LGI4: variants seen among roughly 807,000 people sequenced by gnomAD.
LGI4 encodes the protein leucine-rich repeat LGI family member 4.
In LGI4, 36 loss-of-function variants were observed where a neutral mutation model predicts 48.3. That is an observed-to-expected ratio of 0.75 (90% confidence interval 0.57 to 0.98). The LOEUF (loss-of-function observed/expected upper bound fraction) is 0.98. LGI4 is among the 50% of genes least tolerant of loss of function. The probability of loss-of-function intolerance (pLI) is 0.00; values close to 1 mark genes in which losing one functional copy is unlikely to be tolerated. For synonymous variants in LGI4, 355 were observed against 331.6 expected, an observed-to-expected ratio of 1.07 and a Z score of -0.77; for missense variants, 701 against 732.1, an observed-to-expected ratio of 0.96 and a Z score of 0.49.
At chr19:35,131,662 G>A (rs2065176050) in intron 5 of LGI4, 107 bp from the exon 6 acceptor site, 3 of 1,441,358 alleles carry the variant, frequency 2.1e-6, no homozygotes. Context: ...GCCCCATAGT[G>A]GTAAGAAAAA....
chr19:35,127,939 AC>A (rs1169524393), intron 6 of LGI4, among the ~76,000 whole-genome samples: 1 of 151,896 alleles, frequency 6.6e-6, no homozygotes, highest in Non-Finnish European at 1.5e-5. Flanking sequence ...TTATCCCGGG[AC>A]CCCCATTCAC....
rs915646474 is a variant in LGI4 at position 35,125,399 on chromosome 19, C to T, written c.1408G>A (p.Gly470Ser). ...ACCTGGCTGAAGGCGAAGTCGCTGC[C>T]TAGGATGGCCAGCTGGTCCCTGGCG... ...LIARDQLAIL[G>S]SDFAFSQVLR... Residue 470 changes from glycine to serine, a missense_variant, in exon 9 of 9, where the codon GGC (glycine) becomes AGC (serine). Physicochemically the swap from Gly to Ser is moderately conservative, Grantham distance 56. Around this residue, in one of 3 missense-constraint regions of LGI4, gnomAD observed 223 missense variants for 263.3 expected, o/e 0.85. Coordinates refer to ENST00000310123, the MANE Select transcript of LGI4 (RefSeq NM_139284.3). The T allele has an allele frequency of 6.2e-7, 1 of 1,611,970 alleles. No individual in the cohort carries two copies. The highest frequency in any genetic ancestry group is 8.5e-7 in the Non-Finnish European group (1 of 1,178,964).
At chr19:35,130,284 T>C (rs1361266202) in intron 6 of LGI4, among the ~76,000 whole-genome samples, 2 of 152,230 alleles carry the variant, frequency 1.3e-5, no homozygotes, top group African/African-American at 4.8e-5. Flanking sequence ...TTATTTCTTT[T>C]CTCAGTCTCT....
intron 6 of LGI4, among the ~76,000 whole-genome samples, chr19:35,128,666 T>G (rs1157273398): frequency 6.6e-6 from 1 of 152,174 alleles, no homozygotes; most frequent in Non-Finnish European, 1.5e-5. Flanking sequence ...GAGCCGTGAT[T>G]GTACCACTGA....
rs1483176460 is a variant in LGI4 at position 35,126,471 on chromosome 19, G to A, written c.1098C>T (p.Asp366=). The change falls in exon 8 of 9, where the codon GAC becomes GAT. Residue 366 remains aspartate, a synonymous_variant. Transcript: ENST00000310123. ...GGCCGTCCAGCTCCAGGGCCTCAGC[G>A]TCCGTGTCCCGGTGCCAGGCGTGCA... is the stretch of plus-strand genomic sequence containing the variant. ...QSLHAWHRDT[D]AEALELDGRP... 8 of 1,574,770 alleles carry A rather than the reference G, an allele frequency of 5.1e-6. No individual in the cohort carries two copies. Among genetic ancestry groups the A allele is most frequent in the African/African-American group, 2.7e-5 (2 of 74,574 alleles).
chr19:35,126,910 G>C lies in LGI4; in HGVS notation c.736C>G (p.Leu246Val). ...AGGCTGTAGTCCCAGGAGAGAATCA[G>C]GCAGCGGCCGGCGAAGGGCTGTGCC... ...VLAQPFAGRCLILSWDYSLQR... is the reference protein window; with the variant it reads ...VLAQPFAGRCVILSWDYSLQR... The change falls in exon 7 of 9, where the codon CTG becomes GTG. Residue 246 changes from leucine (L) to valine (V), a missense_variant. Physicochemically the swap from Leu to Val is conservative, Grantham distance 32. This residue lies in a region of LGI4 where 462 missense variants were observed against 436.4 expected (regional missense o/e 1.06). Transcript: ENST00000310123. 1 of 1,613,696 alleles carries C rather than the reference G, an allele frequency of 6.2e-7. No individual in the cohort carries two copies. The highest frequency in any genetic ancestry group is 8.5e-7 in the Non-Finnish European group (1 of 1,179,926).
Position 35,134,818 on chromosome 19 carries a change from C to A in LGI4, c.-138G>T. The A allele has an allele frequency of 5.3e-6, 3 of 563,708 alleles. No homozygotes were observed. Among genetic ancestry groups the A allele is most frequent in the Non-Finnish European group, 9.3e-6 (3 of 321,366 alleles). The allele number at this position is 563,708 out of a possible 1,614,324, so 34.9% of individuals were successfully genotyped here. On this transcript the variant is annotated 5_prime_UTR_variant, in exon 1 of 9. Transcript: ENST00000310123. ...GCCCTGGCTTCTCTCTCCTCTTCTC[C>A]GTCTTTCTTTCAGTCGGCCTTCCTC...
intron 6 of LGI4, among the ~76,000 whole-genome samples, chr19:35,129,620 C>T (rs768420191): frequency 2.6e-5 from 4 of 152,154 alleles, no homozygotes; most frequent in African/African-American, 9.7e-5. Flanking sequence ...TCTCCATTCT[C>T]GATTAGCCGG....
Position 35,124,679 on chromosome 19 carries a change from T to C in LGI4, c.*514A>G, listed in dbSNP as rs2065117153. The C allele has an allele frequency of 2.0e-5, 3 of 152,452 alleles. No homozygotes were observed. The highest frequency in any genetic ancestry group is 2.0e-4 in the Admixed American group (3 of 15,288). 9.4% of individuals were successfully genotyped at this position (152,452 alleles called of 1,614,324 possible). ...ACAGCTTGCTGGGCGGCCGCACGCA[T>C]GCGCACAAGCAGCAGAGGGGAACCC... On this transcript the variant is annotated 3_prime_UTR_variant, in exon 9 of 9. Transcript: ENST00000310123.
chr19:35,134,702 C>G lies in LGI4; in HGVS notation c.-22G>C. 1 of 1,284,050 alleles carries G rather than the reference C, an allele frequency of 7.8e-7. No individual in the cohort carries two copies. Among genetic ancestry groups the G allele is most frequent in the Non-Finnish European group, 1.1e-6 (1 of 949,820 alleles). The allele number at this position is 1,284,050 out of a possible 1,614,324, so 79.5% of individuals were successfully genotyped here. A position where few individuals can be genotyped will look rare whatever the true frequency, so the allele number is the denominator to read the frequency against. On this transcript the variant is annotated 5_prime_UTR_variant, in exon 1 of 9. Coordinates refer to ENST00000310123, the MANE Select transcript of LGI4 (RefSeq NM_139284.3). ...CCATGCCCCCACCCCCACTCTGAGG[C>G]ACCCGCTTCTCCCGGCCCACCCAGC...
Position 35,131,989 on chromosome 19 carries a change from A to T in LGI4, c.368T>A (p.Leu123His). ...GSISKNALRGLRSLTHLSLAN... is the reference protein window; with the variant it reads ...GSISKNALRGHRSLTHLSLAN... ...CACGCACAGGTGTGTAAGCGAGCGAAGTCCTCTGAGGGCATTCTTAGAGAT... is the reference window on the plus strand; with the variant it reads ...CACGCACAGGTGTGTAAGCGAGCGATGTCCTCTGAGGGCATTCTTAGAGAT... Residue 123 changes from leucine to histidine, a missense_variant, in exon 4 of 9, where the codon CTT becomes CAT. Transcript: ENST00000310123. 1 of 1,589,256 alleles carries T rather than the reference A, an allele frequency of 6.3e-7. No individual in the cohort carries two copies. Among genetic ancestry groups the T allele is most frequent in the Non-Finnish European group, 8.6e-7 (1 of 1,167,492 alleles).
intron 6 of LGI4, among the ~76,000 whole-genome samples, chr19:35,129,915 T>C (rs1318928310): frequency 6.6e-6 from 1 of 152,096 alleles, no homozygotes; most frequent in Non-Finnish European, 1.5e-5. Flanking sequence ...TTTACTGAGA[T>C]AGAAAACCGC....
At position 35,126,908 on chromosome 19, in the gene LGI4, C is replaced by T. The variant is rs2065143605; in HGVS notation, c.738G>A (p.Leu246=). Residue 246 remains leucine, a synonymous_variant, in exon 7 of 9, where the codon CTG becomes CTA. Transcript: ENST00000310123. ...VLAQPFAGRC[L]ILSWDYSLQR... is the part of the protein sequence containing the mutation. ...GCAGGCTGTAGTCCCAGGAGAGAAT[C>T]AGGCAGCGGCCGGCGAAGGGCTGTG... The T allele has an allele frequency of 6.2e-7, 1 of 1,613,708 alleles. No individual in the cohort carries two copies. Among genetic ancestry groups the T allele is most frequent in the Non-Finnish European group, 8.5e-7 (1 of 1,179,924 alleles).
In LGI4 at chr19:35,126,578, A is replaced by G; in HGVS notation, c.991T>C (p.Phe331Leu). The G allele has an allele frequency of 6.5e-7, 1 of 1,540,148 alleles. No individual in the cohort carries two copies. Among genetic ancestry groups the G allele is most frequent in the Non-Finnish European group, 8.7e-7 (1 of 1,148,564 alleles). Residue 331 changes from phenylalanine to leucine, a missense_variant, in exon 8 of 9, where the codon TTC (phenylalanine) becomes CTC (leucine). By Grantham distance (22) the Phe-to-Leu change is conservative. This residue lies in a region of LGI4 where 462 missense variants were observed against 436.4 expected (regional missense o/e 1.06). Coordinates refer to ENST00000310123, the MANE Select transcript of LGI4 (RefSeq NM_139284.3). ...ELLWLEGQPCFVVADASKAGS... is the reference protein window; with the variant it reads ...ELLWLEGQPCLVVADASKAGS... ...GCCTTGGAGGCATCGGCCACCACGA[A>G]GCAGGGTTGCCCTTCCAGCCACAGG... is the stretch of plus-strand genomic sequence containing the variant.
At chr19:35,132,093 G>T in intron 3 of LGI4, 51 bp from the exon 4 acceptor site, 2 of 1,453,272 alleles carry the variant, frequency 1.4e-6, no homozygotes, top group Non-Finnish European at 1.9e-6. Context: ...TTCAGGGAAC[G>T]CACCCCATGA....
chr19:35,126,627 C>A lies in LGI4; in HGVS notation c.942G>T (p.Leu314=), dbSNP rs1444047165. 2 of 1,540,572 alleles carry A rather than the reference C, an allele frequency of 1.3e-6. No homozygotes were observed. The highest frequency in any genetic ancestry group is 1.7e-6 in the Non-Finnish European group (2 of 1,149,208). The change falls in exon 8 of 9, where the codon CTG becomes CTT. Residue 314 remains leucine, a synonymous_variant. Coordinates refer to ENST00000310123, the MANE Select transcript of LGI4 (RefSeq NM_139284.3). ...APTQTLAPRR[L]LRPNDAELLW... Reference sequence around the variant, plus strand: ...GGAGCTCGGCGTCATTGGGCCGCAGCAGCCGCCGCGGGGCCAGGGTCTGCG... The same window carrying A: ...GGAGCTCGGCGTCATTGGGCCGCAGAAGCCGCCGCGGGGCCAGGGTCTGCG...
chr19:35,128,509 G>C (rs186654335), intron 6 of LGI4, among the ~76,000 whole-genome samples: 2 of 152,288 alleles, frequency 1.3e-5, no homozygotes, highest in East Asian at 1.9e-4. Context: ...AGGAGTTCGA[G>C]AGCAGCCTGG....
rs201360442 is a variant in LGI4 at position 35,134,473 on chromosome 19, G to A, written c.170+38C>T. ...CAACCTCTGGGGTCCCAGGACTTCC[G>A]TCCCCACCTTCGGGCATGCAGAAGG... On this transcript the variant is annotated intron_variant, in intron 1 of 8. Coordinates refer to ENST00000310123, the MANE Select transcript of LGI4 (RefSeq NM_139284.3). 6.9e-5 allele frequency: 107 copies of A among 1,555,714 alleles called. No individual in the cohort carries two copies. The Admixed American group carries it at 1.8e-3, about 26-fold the overall frequency.
intron 1 of LGI4, among the ~76,000 whole-genome samples, 172 bp downstream of exon 1, chr19:35,134,339 T>C (rs1243636866): frequency 2.0e-5 from 3 of 152,096 alleles, no homozygotes; most frequent in Non-Finnish European, 4.4e-5. Flanking sequence ...TTCCTTCTGC[T>C]CCTTCCCAGA....
Sources: gnomAD v4.1 joint callset for allele counts (sites outside exome capture counted in the v4.1 genomes callset) on GRCh38, gnomAD v4.1.1 for gene constraint, gnomAD v4.1.1 regional missense constraint, MANE v1.5 for transcripts, NCBI Gene and HGNC (gene_info 2026-07-23, HGNC 2026-07-21) for gene names.